ARHGAP26: variants seen among roughly 807,000 people sequenced by gnomAD.
ARHGAP26 encodes rho GTPase-activating protein 26.
A neutral mutation model predicts 104.8 loss-of-function variants in ARHGAP26; 38 were observed. The observed-to-expected ratio is 0.36, with a 90% CI of 0.28 to 0.48. The LOEUF is 0.48. Among genes scored for constraint, ARHGAP26 ranks in the 20% least tolerant of loss-of-function variants. The pLI, the probability that ARHGAP26 is intolerant of heterozygous loss-of-function variation, is 0.99. For missense variants in ARHGAP26, 704 were observed against 947.9 expected (o/e 0.74, Z 3.38); for synonymous variants, 341 against 340.0 (o/e 1.00, Z -0.03).
At position 143,207,289 on chromosome 5, in the gene ARHGAP26, A is replaced by C. The variant is rs750689105; in HGVS notation, c.2080A>C (p.Ser694Arg). The change falls in exon 21 of 23, where the codon AGC becomes CGC. Residue 694 changes from serine (S) to arginine (R), a missense_variant. By Grantham distance (110) the Ser-to-Arg change is moderately radical. Transcript: ENST00000645722. ...CCCTATGCCCACCTCATCCACGTCC[A>C]GCGACTCATCCCCCGTCAGGTCTGT... is the stretch of plus-strand genomic sequence containing the variant. ...SSPMPTSSTSSDSSPVSTPFR... is the reference protein window; with the variant it reads ...SSPMPTSSTSRDSSPVSTPFR... 2 of 1,613,832 alleles carry C rather than the reference A, an allele frequency of 1.2e-6. No homozygotes were observed. Among genetic ancestry groups the C allele is most frequent in the African/African-American group, 2.7e-5 (2 of 74,822 alleles).
chr5:143,211,549 G>T (rs1312626484), intron 21 of ARHGAP26, among the ~76,000 whole-genome samples: 1 of 151,458 alleles, frequency 6.6e-6, no homozygotes, highest in Non-Finnish European at 1.5e-5. Context: ...CCCTTTCTTG[G>T]CTTGCTTATT....
intron 1 of ARHGAP26, among the ~76,000 whole-genome samples, chr5:142,781,909 G>GT (rs1266002499): frequency 6.6e-6 from 1 of 152,116 alleles, no homozygotes; most frequent in Non-Finnish European, 1.5e-5. Context: ...TAGAGATGGG[G>GT]TTTCACCGTG....
At chr5:143,119,513 C>G (rs999989528) in intron 17 of ARHGAP26, among the ~76,000 whole-genome samples, 2 of 152,156 alleles carry the variant, frequency 1.3e-5, no homozygotes, top group African/African-American at 4.8e-5. Context: ...ATTTGACCAT[C>G]TGCATTAACT....
chr5:143,047,226 T>C (rs246656), intron 14 of ARHGAP26, among the ~76,000 whole-genome samples: 37,439 of 152,102 alleles, frequency 0.25, 9,088 homozygotes, highest in African/African-American at 0.63. Context: ...AACATCCCCA[T>C]TGAGGCAGCA....
intron 18 of ARHGAP26, among the ~76,000 whole-genome samples, chr5:143,127,681 C>G (rs371771132): frequency 8.5e-5 from 13 of 152,298 alleles, no homozygotes; most frequent in African/African-American, 3.1e-4. Flanking sequence ...TTGATTTGGG[C>G]CACCAATCTG....
At chr5:143,104,319 G>A (rs1793686091) in intron 17 of ARHGAP26, among the ~76,000 whole-genome samples, 1 of 152,116 alleles carries the variant, frequency 6.6e-6, no homozygotes, top group African/African-American at 2.4e-5. Flanking sequence ...AGACCAGCCT[G>A]ACCAACATGG....
At chr5:142,837,126 A>G (rs1303573577) in intron 1 of ARHGAP26, among the ~76,000 whole-genome samples, 1 of 151,958 alleles carries the variant, frequency 6.6e-6, no homozygotes, top group Admixed American at 6.6e-5. Context: ...TCCTCTTTCC[A>G]TTTTTTCCTC....
At chr5:143,055,929 G>T in intron 15 of ARHGAP26, 99 bp from the exon 16 acceptor site, 1 of 776,518 alleles carries the variant, frequency 1.3e-6, no homozygotes, top group South Asian at 2.0e-5. Context: ...CTTTGTCTTC[G>T]AGAAATGTAT....
intron 5 of ARHGAP26, among the ~76,000 whole-genome samples, chr5:142,893,130 A>G (rs1478004844): frequency 6.6e-6 from 1 of 151,766 alleles, no homozygotes; most frequent in African/African-American, 2.4e-5. Flanking sequence ...CATATGTGCT[A>G]CCATGCCCAG....
At chr5:142,783,158 G>T (rs9686624) in intron 1 of ARHGAP26, among the ~76,000 whole-genome samples, 236 of 152,348 alleles carry the variant, frequency 1.5e-3, no homozygotes, top group African/African-American at 5.3e-3. Flanking sequence ...CCAGCCTCGT[G>T]GGCACATCTC....
intron 10 of ARHGAP26, among the ~76,000 whole-genome samples, chr5:142,931,262 G>A (rs1764674611): frequency 6.6e-6 from 1 of 152,216 alleles, no homozygotes; most frequent in Non-Finnish European, 1.5e-5. Context: ...AAGAACTCCT[G>A]CTTTAATGGG....
intron 11 of ARHGAP26, among the ~76,000 whole-genome samples, chr5:142,939,984 C>G (rs545333270): frequency 6.6e-6 from 1 of 152,202 alleles, no homozygotes; most frequent in Non-Finnish European, 1.5e-5. Context: ...TCACCTTGTT[C>G]CAGTTCACCA....
rs575428387 is a variant in ARHGAP26, at chr5:142,888,916, C to T, written c.486+3517C>T. Among the ~76,000 whole-genome samples the T allele has an allele frequency of 3.9e-5, 6 of 152,216 alleles. No homozygotes were observed. In the East Asian group the frequency reaches 5.8e-4, roughly 15 times the overall value. On this transcript the variant is annotated intron_variant, in intron 5 of 22. Coordinates refer to ENST00000645722, the MANE Select transcript of ARHGAP26 (RefSeq NM_001135608.3). ...GAATGGTTGACGGGTTTAATCAAGC[C>T]GGTAGATTTATAGCTTCTCAAGTGG... is the stretch of plus-strand genomic sequence containing the variant.
chr5:143,135,748 A>G (rs964443284), intron 19 of ARHGAP26, among the ~76,000 whole-genome samples: 1 of 152,208 alleles, frequency 6.6e-6, no homozygotes, highest in Admixed American at 6.5e-5. Context: ...TTTCATGAAC[A>G]TTTCTTTAGA....
chr5:142,878,762 G>A (rs1011086972), intron 3 of ARHGAP26, among the ~76,000 whole-genome samples: 15 of 152,168 alleles, frequency 9.9e-5, no homozygotes, highest in African/African-American at 3.4e-4. Context: ...GGTGGGACGA[G>A]TTTGGTGCGT....
chr5:143,180,541 GA>G (rs1804183907), intron 20 of ARHGAP26, among the ~76,000 whole-genome samples: 2 of 152,198 alleles, frequency 1.3e-5, no homozygotes, highest in South Asian at 4.1e-4. Flanking sequence ...CTTTATAAAG[GA>G]AAGAGGTTTA....
chr5:142,997,657 GTCC>G (rs1308409575), intron 11 of ARHGAP26, among the ~76,000 whole-genome samples: 1 of 150,006 alleles, frequency 6.7e-6, no homozygotes, highest in African/African-American at 2.5e-5. Flanking sequence ...ATCCCAAGCA[GTCC>G]TCCTGCCTTG....
intron 1 of ARHGAP26, among the ~76,000 whole-genome samples, chr5:142,779,586 T>C (rs1757087277): frequency 6.6e-6 from 1 of 152,230 alleles, no homozygotes; most frequent in Admixed American, 6.5e-5. Context: ...AAAAAACTCC[T>C]ATTTTATATG....
intron 20 of ARHGAP26, among the ~76,000 whole-genome samples, chr5:143,185,485 A>G (rs1804999721): frequency 1.3e-5 from 2 of 152,240 alleles, no homozygotes; most frequent in African/African-American, 2.4e-5. Context: ...AACGAAGTAG[A>G]AAGAAAGTAA....
Sources: gnomAD v4.1 joint callset for allele counts (sites outside exome capture counted in the v4.1 genomes callset) on GRCh38, gnomAD v4.1.1 for gene constraint, MANE v1.5 for transcripts, NCBI Gene and HGNC (gene_info 2026-07-23, HGNC 2026-07-21) for gene names.